PTPRN2: variants seen among roughly 807,000 people sequenced by gnomAD.
PTPRN2 encodes the protein receptor-type tyrosine-protein phosphatase N2.
PTPRN2 carries 74 observed loss-of-function variants against 118.8 expected under a neutral mutation model. That is an observed-to-expected ratio of 0.62 (90% confidence interval 0.52 to 0.76). The LOEUF is 0.76. PTPRN2 is among the 30% of genes least tolerant of loss of function. The pLI is 0.00. For missense variants in PTPRN2, 1,481 were observed against 1,394.4 expected, an observed-to-expected ratio of 1.06 and a Z score of -0.99; for synonymous variants, 641 against 608.0, an observed-to-expected ratio of 1.05 and a Z score of -0.80.
At position 158,372,272 on chromosome 7, in the gene PTPRN2, TCCCCCCAAC is replaced by T. The variant is rs1810084278; in HGVS notation, c.164-55349_164-55341del. 1.1e-4 allele frequency among the ~76,000 whole-genome samples: 16 copies of T among 139,372 alleles called. 1 individual carries two copies. Among genetic ancestry groups the T allele is most frequent in the African/African-American group, 3.9e-4 (14 of 35,728 alleles). The allele number at this position is 139,372 out of a possible 152,430, so 91.4% of individuals were successfully genotyped here. On this transcript the variant is annotated intron_variant, in intron 2 of 22. Transcript: ENST00000389418. ...CCCCAGTGCTGGTCCCCAGAGCTGA[TCCCCCCAAC>T]GCTGGTCCCCGGAGCTGGTCCCCCC...
intron 3 of PTPRN2, among the ~76,000 whole-genome samples, chr7:158,228,055 C>T (rs965435223): frequency 6.6e-6 from 1 of 152,202 alleles, no homozygotes; most frequent in South Asian, 2.1e-4. Context: ...TTAAAAAGCT[C>T]TATGCGTATT....
intron 12 of PTPRN2, among the ~76,000 whole-genome samples, chr7:157,715,232 G>C (rs1442163798): frequency 6.6e-6 from 1 of 152,218 alleles, no homozygotes; most frequent in African/African-American, 2.4e-5. Context: ...AGTCCAGGCC[G>C]TGCGCCCAAG....
At chr7:158,484,874 A>T (rs1820890471) in intron 2 of PTPRN2, among the ~76,000 whole-genome samples, 1 of 152,194 alleles carries the variant, frequency 6.6e-6, no homozygotes, top group Non-Finnish European at 1.5e-5. Flanking sequence ...TTGGAATAGA[A>T]GAAGCTGCAG....
Position 157,560,425 on chromosome 7 carries a change from C to A in PTPRN2, c.2902+8477G>T, listed in dbSNP as rs1194845032. ...ACACGCTCCCACCAGGCGATCGACA[C>A]CAGGGTCCGCCTGTGCCCTGCCTGG... On this transcript the variant is annotated intron_variant, in intron 21 of 22. Transcript: ENST00000389418. The surrounding 1 kb of genome is among the most constrained non-coding windows in gnomAD (Gnocchi z 6.7). Among the ~76,000 whole-genome samples, 1 of 152,186 alleles carries A rather than the reference C, an allele frequency of 6.6e-6. No homozygotes were observed. Among genetic ancestry groups the A allele is most frequent in the Non-Finnish European group, 1.5e-5 (1 of 68,024 alleles).
At chr7:158,294,624 C>T (rs1800337631) in intron 3 of PTPRN2, among the ~76,000 whole-genome samples, 1 of 152,144 alleles carries the variant, frequency 6.6e-6, no homozygotes, top group South Asian at 2.1e-4. Flanking sequence ...AGAGGCAGGG[C>T]TGAGCCAGGC....
At chr7:158,135,782 CCT>C (rs953294116) in intron 8 of PTPRN2, among the ~76,000 whole-genome samples, 18 of 152,220 alleles carry the variant, frequency 1.2e-4, no homozygotes, top group African/African-American at 4.3e-4. Context: ...ATGTTTTCTT[CCT>C]GCACTTGCCA....
chr7:158,071,456 T>TGCTCGTGGTGGAGTTGCTCGTGGTGGTG (rs1585337803), intron 11 of PTPRN2, among the ~76,000 whole-genome samples: 2 of 20,184 alleles, frequency 9.9e-5, no homozygotes, highest in African/African-American at 3.3e-4. Flanking sequence ...TGCTCGTGGT[T>TGCTCGTGGTGGAGTTGCTCGTGGTGGTG]GAGGTGCTCG....
Position 158,330,725 on chromosome 7 carries a change from C to T in PTPRN2, c.164-13793G>A, listed in dbSNP as rs531403199. On this transcript the variant is annotated intron_variant, in intron 2 of 22. Transcript: ENST00000389418. ...CATACTCTCACCATAAGAGCCGACA[C>T]GTGCAGACGTCACTCACACCCACAC... Among the ~76,000 whole-genome samples the T allele has an allele frequency of 1.1e-4, 13 of 114,276 alleles. 1 individual carries two copies. The highest frequency in any genetic ancestry group is 1.0e-3 in the South Asian group (3 of 2,884). The allele number at this position is 114,276 out of a possible 152,430, so 75.0% of individuals were successfully genotyped here.
At position 157,997,092 on chromosome 7, in the gene PTPRN2, G is replaced by A. The variant is rs545476561; in HGVS notation, c.1723+84206C>T. 3.9e-5 allele frequency among the ~76,000 whole-genome samples: 6 copies of A among 152,344 alleles called. No individual in the cohort carries two copies. The East Asian group carries it at 5.8e-4, about 15-fold the overall frequency. ...AGGGCTCGGCCCCAGGTCCCCTGAC[G>A]TGGGGTGTCTGCCCTCCCCAGGAGG... On this transcript the variant is annotated intron_variant, in intron 11 of 22. Transcript: ENST00000389418.
At chr7:158,315,298 G>GAAGGACAGAGGTGAACCCGGGACACCCTC (rs1554452768) in intron 3 of PTPRN2, among the ~76,000 whole-genome samples, 1 of 4,016 alleles carries the variant, frequency 2.5e-4, no homozygotes. Flanking sequence ...GGGACCCCCT[G>GAAGGACAGAGGTGAACCCGGGACACCCTC]AAGGACAGAG....
At chr7:158,292,585 G>A (rs1800192298) in intron 3 of PTPRN2, among the ~76,000 whole-genome samples, 1 of 152,142 alleles carries the variant, frequency 6.6e-6, no homozygotes, top group Non-Finnish European at 1.5e-5. Flanking sequence ...CAAACATCAC[G>A]GGTGCACTTA....
intron 9 of PTPRN2, among the ~76,000 whole-genome samples, chr7:158,130,817 C>A (rs1204294139): frequency 6.6e-6 from 1 of 151,832 alleles, no homozygotes; most frequent in Non-Finnish European, 1.5e-5. Context: ...CCAACACACA[C>A]ACATACACAC....
chr7:158,055,757 C>A (rs1392523794), intron 11 of PTPRN2, among the ~76,000 whole-genome samples: 1 of 152,244 alleles, frequency 6.6e-6, no homozygotes, highest in African/African-American at 2.4e-5. Flanking sequence ...ATGGCTCACA[C>A]TCCTTACCCT....
At chr7:157,805,386 A>C (rs1246974251) in intron 12 of PTPRN2, among the ~76,000 whole-genome samples, 1 of 152,064 alleles carries the variant, frequency 6.6e-6, no homozygotes, top group Non-Finnish European at 1.5e-5. Context: ...TCAGGAATGA[A>C]AGGTGGCTTG....
chr7:158,112,519 C>T (rs1013707141), intron 9 of PTPRN2, among the ~76,000 whole-genome samples: 3 of 152,098 alleles, frequency 2.0e-5, no homozygotes, highest in African/African-American at 7.2e-5. Context: ...GCCTGGGGAT[C>T]TGGAGGGACA....
At chr7:158,311,693 A>G (rs935262506) in intron 3 of PTPRN2, among the ~76,000 whole-genome samples, 2 of 152,280 alleles carry the variant, frequency 1.3e-5, no homozygotes, top group East Asian at 3.8e-4. Flanking sequence ...TGCACCTGCA[A>G]GAAGTGGCCT....
At chr7:158,344,047 T>G (rs78749917) in intron 2 of PTPRN2, among the ~76,000 whole-genome samples, 1,653 of 152,198 alleles carry the variant, frequency 0.011, 31 homozygotes, top group African/African-American at 0.038. Context: ...CCCTCTTACA[T>G]GCCACCCAGA....
Position 158,473,412 on chromosome 7 carries a change from G to T in PTPRN2, c.163+16323C>A, listed in dbSNP as rs1305400042. 3.9e-5 allele frequency among the ~76,000 whole-genome samples: 6 copies of T among 152,188 alleles called. No individual in the cohort carries two copies. In the South Asian group the frequency reaches 8.3e-4, roughly 21 times the overall value. ...TTCGGGAGGCTACATCCACGCCCAG[G>T]ACAGCCGGGAGGGCAAGCTGCAGCC... On this transcript the variant is annotated intron_variant, in intron 2 of 22. Transcript: ENST00000389418.
intron 12 of PTPRN2, among the ~76,000 whole-genome samples, chr7:157,884,031 G>C (rs1444147364): frequency 6.7e-6 from 1 of 150,150 alleles, no homozygotes; most frequent in Non-Finnish European, 1.5e-5. Flanking sequence ...ACCCCAAAAT[G>C]ACTGTCGAAA....
Sources: allele counts gnomAD v4.1 joint callset (sites outside exome capture counted in the v4.1 genomes callset), GRCh38; gene constraint gnomAD v4.1.1; non-coding constraint Gnocchi (gnomAD v3.1); transcripts MANE v1.5; gene names NCBI Gene and HGNC (gene_info 2026-07-23, HGNC 2026-07-21).